DLGAP1: variants seen among roughly 807,000 people sequenced by gnomAD.
The protein encoded by DLGAP1 is disks large-associated protein 1.
In DLGAP1, 11 loss-of-function variants were observed where a neutral mutation model predicts 90.8. That is an observed-to-expected ratio of 0.12 (90% CI 0.08 to 0.20). The LOEUF (loss-of-function observed/expected upper bound fraction) is 0.20, where lower values mean the gene tolerates loss of function less well. Among genes scored for constraint, DLGAP1 ranks in the 10% least tolerant of loss-of-function variants. DLGAP1 has a pLI of 1.00. For missense variants in DLGAP1, 1,050 were observed against 1,333.8 expected, an observed-to-expected ratio of 0.79 and a Z score of 3.31; for synonymous variants, 558 against 540.7, an observed-to-expected ratio of 1.03 and a Z score of -0.44.
chr18:3,649,758 G>T (rs1031384927), intron 7 of DLGAP1, among the ~76,000 whole-genome samples: 1 of 151,750 alleles, frequency 6.6e-6, no homozygotes, highest in Non-Finnish European at 1.5e-5. Flanking sequence ...GAAAAGAGGA[G>T]GAGGGAGAGG....
At chr18:4,095,929 T>C (rs2075670196) in intron 2 of DLGAP1, among the ~76,000 whole-genome samples, 1 of 152,042 alleles carries the variant, frequency 6.6e-6, no homozygotes, top group Admixed American at 6.5e-5. Flanking sequence ...CCTGAATCGA[T>C]CAGCAGAAAC....
chr18:3,556,395 G>C (rs927840709), intron 9 of DLGAP1, among the ~76,000 whole-genome samples: 4 of 152,108 alleles, frequency 2.6e-5, no homozygotes, highest in African/African-American at 9.7e-5. Flanking sequence ...TCGTTTCACT[G>C]CCCCAGACAT....
intron 1 of DLGAP1, among the ~76,000 whole-genome samples, chr18:4,167,833 T>C (rs2076956609): frequency 6.6e-6 from 1 of 152,172 alleles, no homozygotes; most frequent in Non-Finnish European, 1.5e-5. Flanking sequence ...GAAAGCACAG[T>C]ATAATTTCAA....
intron 2 of DLGAP1, among the ~76,000 whole-genome samples, chr18:4,147,285 T>C (rs2076599719): frequency 6.6e-6 from 1 of 152,160 alleles, no homozygotes; most frequent in South Asian, 2.1e-4. Flanking sequence ...ATAAATGACA[T>C]TTCCCCGGTT....
intron 6 of DLGAP1, among the ~76,000 whole-genome samples, chr18:3,740,372 A>C (rs2062846566): frequency 6.6e-6 from 1 of 152,202 alleles, no homozygotes; most frequent in Non-Finnish European, 1.5e-5. Context: ...ATCATTGGAC[A>C]AGCAGTAACC....
chr18:3,892,863 T>G (rs140802879), intron 3 of DLGAP1, among the ~76,000 whole-genome samples: 1,502 of 147,980 alleles, frequency 0.01, 10 homozygotes, highest in Non-Finnish European at 0.015. Flanking sequence ...CACTTTCTCC[T>G]CTGGCTTTTT....
At chr18:4,143,136 G>C (rs2076523313) in intron 2 of DLGAP1, among the ~76,000 whole-genome samples, 1 of 151,904 alleles carries the variant, frequency 6.6e-6, no homozygotes. Flanking sequence ...ACGTATATTT[G>C]CTCAAGGCCC....
intron 4 of DLGAP1, chr18:3,845,096 T>G: frequency 9.0e-7 from 1 of 1,112,720 alleles, no homozygotes; most frequent in Non-Finnish European, 1.3e-6. Context: ...AAATTGTTCA[T>G]CCCCAGTTCA....
chr18:3,900,103 G>A (rs1042177429), intron 3 of DLGAP1, among the ~76,000 whole-genome samples: 1 of 152,186 alleles, frequency 6.6e-6, no homozygotes, highest in African/African-American at 2.4e-5. Context: ...GGAATCCAGT[G>A]GCAGGTAGAT....
chr18:3,643,117 G>T (rs1374242062), intron 7 of DLGAP1, among the ~76,000 whole-genome samples: 2 of 152,054 alleles, frequency 1.3e-5, no homozygotes, highest in African/African-American at 4.8e-5. Flanking sequence ...TAGCAAAGAA[G>T]GAAGAAGATT....
chr18:4,452,926 G>A (rs1051292367), intron 1 of DLGAP1, among the ~76,000 whole-genome samples: 3 of 152,046 alleles, frequency 2.0e-5, no homozygotes, highest in Non-Finnish European at 4.4e-5. Context: ...TATTTATATT[G>A]CCTGTAATGT....
chr18:4,423,243 T>C (rs1567910054), intron 1 of DLGAP1, among the ~76,000 whole-genome samples: 1 of 152,178 alleles, frequency 6.6e-6, no homozygotes, highest in Non-Finnish European at 1.5e-5. Context: ...AATGTCCTGT[T>C]AGAGTTTTAT....
At chr18:3,977,434 G>GTTTTTTTTTT (rs58599574) in intron 3 of DLGAP1, among the ~76,000 whole-genome samples, 52 of 95,324 alleles carry the variant, frequency 5.5e-4, no homozygotes, top group African/African-American at 8.3e-4. Context: ...TTTATTCTGT[G>GTTTTTTTTTT]TTTTTTTTTT....
intron 3 of DLGAP1, among the ~76,000 whole-genome samples, chr18:4,002,196 C>T (rs191050871): frequency 2.0e-5 from 3 of 152,198 alleles, no homozygotes; most frequent in Admixed American, 6.5e-5. Flanking sequence ...TTTAAGCAAC[C>T]AAAATTTTAG....
intron 1 of DLGAP1, among the ~76,000 whole-genome samples, chr18:4,273,036 G>A (rs148516466): frequency 6.0e-4 from 91 of 152,188 alleles, no homozygotes; most frequent in African/African-American, 2.2e-3. Flanking sequence ...GAGAGAGGAA[G>A]GTCCTGCCAG....
intron 5 of DLGAP1, among the ~76,000 whole-genome samples, chr18:3,773,107 T>A (rs2064772181): frequency 6.6e-6 from 1 of 151,924 alleles, no homozygotes; most frequent in African/African-American, 2.4e-5. Context: ...GACTTAAAAA[T>A]TTTTTTTTAT....
chr18:3,978,208 G>A, intron 3 of DLGAP1: 1 of 427,698 alleles, frequency 2.3e-6, no homozygotes, highest in Non-Finnish European at 4.6e-6. Context: ...TCTTGAGGCT[G>A]TTTTCATACT....
intron 12 of DLGAP1, among the ~76,000 whole-genome samples, chr18:3,501,391 G>T (rs889512451): frequency 1.3e-4 from 20 of 152,112 alleles, no homozygotes; most frequent in Admixed American, 1.1e-3. Context: ...CAAATGTTTG[G>T]CTTCCCAAGT....
chr18:3,850,048 T>C (rs1455639160), intron 4 of DLGAP1, among the ~76,000 whole-genome samples: 1 of 152,170 alleles, frequency 6.6e-6, no homozygotes, highest in African/African-American at 2.4e-5. Flanking sequence ...GTCAAACACA[T>C]ACATTCTGCT....
Sources: gnomAD v4.1 joint callset for allele counts (sites outside exome capture counted in the v4.1 genomes callset) on GRCh38, gnomAD v4.1.1 for gene constraint, MANE v1.5 for transcripts, NCBI Gene and HGNC (gene_info 2026-07-23, HGNC 2026-07-21) for gene names.